The following LNX1 variants were observed in gnomAD, a reference collection of about 807,000 sequenced individuals.
LNX1 encodes E3 ubiquitin-protein ligase LNX.
LNX1 carries 54 observed loss-of-function variants against 68.4 expected under a neutral mutation model. The ratio of observed to expected loss-of-function variants is 0.79; its 90% CI spans 0.63 to 0.99. LNX1 has a LOEUF of 0.99. Ranked by LOEUF, LNX1 falls within the 50% of genes least tolerant of loss-of-function variation. LNX1 has a pLI of 0.00. For missense variants in LNX1, 906 were observed against 926.4 expected (o/e 0.98, Z 0.29); for synonymous variants, 336 against 350.0 (o/e 0.96, Z 0.45).
upstream of LNX1, among the ~76,000 whole-genome samples, chr4:53,594,493 A>G (rs1354185814): frequency 6.6e-6 from 1 of 152,168 alleles, no homozygotes; most frequent in African/African-American, 2.4e-5. Flanking sequence ...ACTACCAGGA[A>G]GAATGGTTTA....
intron 6 of LNX1, among the ~76,000 whole-genome samples, chr4:53,491,386 T>C (rs1302972497): frequency 1.3e-5 from 2 of 152,208 alleles, no homozygotes; most frequent in East Asian, 1.9e-4. Flanking sequence ...TCTCTTCTCA[T>C]TGATTGGCCG....
intron 2 of LNX1, among the ~76,000 whole-genome samples, chr4:53,528,627 T>C (rs1727797733): frequency 6.6e-6 from 1 of 152,108 alleles, no homozygotes; most frequent in Admixed American, 6.6e-5. Context: ...GGTTCAATAC[T>C]ATGGTGGTTT....
chr4:53,551,128 C>A (rs1729475353), intron 2 of LNX1, among the ~76,000 whole-genome samples: 1 of 146,958 alleles, frequency 6.8e-6, no homozygotes, highest in Non-Finnish European at 1.5e-5. Context: ...TGTTCTGTGG[C>A]TCTGACTCCT....
chr4:53,511,566 A>G (rs1047588156), intron 2 of LNX1, among the ~76,000 whole-genome samples: 1 of 152,236 alleles, frequency 6.6e-6, no homozygotes, highest in Non-Finnish European at 1.5e-5. Context: ...CAACTCTGAA[A>G]AATCAGTTTT....
intron 2 of LNX1, among the ~76,000 whole-genome samples, chr4:53,609,777 AT>A (rs2109846411): frequency 6.9e-6 from 1 of 144,226 alleles, no homozygotes; most frequent in Non-Finnish European, 1.5e-5. Context: ...TATATTATAT[AT>A]AATATATTAT....
At chr4:53,538,837 G>A (rs1258219160) in intron 2 of LNX1, among the ~76,000 whole-genome samples, 1 of 152,034 alleles carries the variant, frequency 6.6e-6, no homozygotes, top group African/African-American at 2.4e-5. Context: ...GAGCCCTTTT[G>A]GGGAGAAAAA....
At chr4:53,549,666 G>A (rs1041400733) in intron 2 of LNX1, 1 of 152,020 alleles carries the variant, frequency 6.6e-6, no homozygotes, top group Admixed American at 6.6e-5. Context: ...TATCATCTGA[G>A]ATGTGCTTCA....
chr4:53,612,994 A>AT (rs1733551658), intron 2 of LNX1, among the ~76,000 whole-genome samples: 1 of 151,652 alleles, frequency 6.6e-6, no homozygotes, highest in Non-Finnish European at 1.5e-5. Context: ...CTATGGTTTT[A>AT]TTTTTGTAAA....
intron 2 of LNX1, among the ~76,000 whole-genome samples, chr4:53,528,283 TGG>T (rs1727767926): frequency 6.6e-6 from 1 of 152,242 alleles, no homozygotes; most frequent in South Asian, 2.1e-4. Flanking sequence ...CAGTTACCTG[TGG>T]TCAACTGCAG....
chr4:53,614,524 G>A (rs1231379713), intron 2 of LNX1, among the ~76,000 whole-genome samples: 12 of 152,146 alleles, frequency 7.9e-5, no homozygotes, highest in Admixed American at 7.9e-4. Context: ...GGGGTGTCAG[G>A]TTCCTCTGCA....
chr4:53,461,066 T>TA, intron 10 of LNX1, 24 bp from the exon 11 acceptor site: 1 of 1,539,072 alleles, frequency 6.5e-7, no homozygotes, highest in Non-Finnish European at 8.7e-7. Flanking sequence ...CAAAACAAGA[T>TA]ATGATTAGTA....
At chr4:53,501,499 G>T (rs1725500766) in intron 4 of LNX1, among the ~76,000 whole-genome samples, 1 of 151,986 alleles carries the variant, frequency 6.6e-6, no homozygotes, top group Admixed American at 6.6e-5. Context: ...TCCCCAGGCT[G>T]GTCTCAAACT....
At chr4:53,616,076 A>G (rs956788480) in intron 2 of LNX1, among the ~76,000 whole-genome samples, 1 of 151,990 alleles carries the variant, frequency 6.6e-6, no homozygotes, top group African/African-American at 2.4e-5. Flanking sequence ...TCTTGTAACC[A>G]TCCTTCTGCT....
chr4:53,636,179 CTTTTT>C (rs11440722), intron 1 of LNX1, among the ~76,000 whole-genome samples: 16 of 85,226 alleles, frequency 1.9e-4, no homozygotes, highest in African/African-American at 7.0e-4. Flanking sequence ...TCTATTACTC[CTTTTT>C]TTTTTTTTTT....
At chr4:53,471,231 G>A (rs1214184110) in intron 9 of LNX1, among the ~76,000 whole-genome samples, 1 of 151,830 alleles carries the variant, frequency 6.6e-6, no homozygotes, top group Non-Finnish European at 1.5e-5. Flanking sequence ...ACAAAAACAA[G>A]CAATGGGGAA....
At chr4:53,601,101 GGGA>G (rs879433947) in intron 2 of LNX1, among the ~76,000 whole-genome samples, 5,862 of 142,272 alleles carry the variant, frequency 0.041, 119 homozygotes, top group Middle Eastern at 0.08. Flanking sequence ...AAGGGAGGGA[GGGA>G]GGGGGGGAGG....
chr4:53,475,702 A>T (rs1327490453), intron 9 of LNX1, among the ~76,000 whole-genome samples: 3 of 152,246 alleles, frequency 2.0e-5, no homozygotes, highest in Non-Finnish European at 4.4e-5. Context: ...GCTCTCATGC[A>T]GGTGAGCAAA....
chr4:53,601,905 G>A (rs1208486373), intron 2 of LNX1, among the ~76,000 whole-genome samples: 1 of 152,050 alleles, frequency 6.6e-6, no homozygotes, highest in Non-Finnish European at 1.5e-5. Flanking sequence ...TCCCTGCCCT[G>A]CATCCCCTCT....
At chr4:53,502,283 T>C (rs1268058766) in intron 4 of LNX1, among the ~76,000 whole-genome samples, 3 of 150,422 alleles carry the variant, frequency 2.0e-5, no homozygotes, top group Non-Finnish European at 4.4e-5. Context: ...ACTTCATTCT[T>C]CATAGTACAG....
Sources: allele counts gnomAD v4.1 joint callset (sites outside exome capture counted in the v4.1 genomes callset), GRCh38; gene constraint gnomAD v4.1.1; transcripts MANE v1.5; gene names NCBI Gene and HGNC (gene_info 2026-07-23, HGNC 2026-07-21).